TLN2: variants seen among roughly 807,000 people sequenced by gnomAD.
The protein encoded by TLN2 is talin 2.
A neutral mutation model predicts 294.7 loss-of-function variants in TLN2; 118 were observed. The observed-to-expected ratio is 0.40, with a 90% confidence interval of 0.34 to 0.47. The LOEUF (loss-of-function observed/expected upper bound fraction) is 0.47. Ranked by LOEUF, TLN2 falls within the 20% of genes least tolerant of loss-of-function variation. The probability of loss-of-function intolerance (pLI) is 0.84; values close to 1 mark genes in which losing one functional copy is unlikely to be tolerated. For synonymous variants in TLN2, 1,431 were observed against 1,304.5 expected (o/e 1.10, Z -2.09); for missense variants, 3,083 against 3,282.2 (o/e 0.94, Z 1.48).
At chr15:62,690,324 C>T (rs2057738507) in intron 12 of TLN2, 1 of 161,406 alleles carries the variant, frequency 6.2e-6, no homozygotes, top group Non-Finnish European at 1.3e-5. Context: ...CTCTTCACCT[C>T]CCAGACGGGG....
At chr15:62,523,061 G>C (rs1051961045) in intron 1 of TLN2, among the ~76,000 whole-genome samples, 2 of 151,788 alleles carry the variant, frequency 1.3e-5, no homozygotes, top group Admixed American at 1.3e-4. Context: ...GTCCTCAAAG[G>C]TTATCTATAG....
intron 49 of TLN2, 73 bp from the exon 50 acceptor site, chr15:62,800,580 T>A: frequency 6.2e-7 from 1 of 1,609,892 alleles, no homozygotes; most frequent in Non-Finnish European, 8.5e-7. Flanking sequence ...TAGCATGCGA[T>A]CCAGAAGTAA....
intron 50 of TLN2, among the ~76,000 whole-genome samples, chr15:62,801,002 A>T (rs778667994): frequency 6.6e-5 from 10 of 152,176 alleles, no homozygotes; most frequent in East Asian, 1.9e-4. Context: ...ATCACTTAGG[A>T]CTATTCAGGT....
chr15:62,510,595 G>C (rs1478929559), intron 1 of TLN2, among the ~76,000 whole-genome samples: 3 of 152,190 alleles, frequency 2.0e-5, no homozygotes, highest in Non-Finnish European at 4.4e-5. Flanking sequence ...TAATTTGGGA[G>C]CCCCTATGGA....
chr15:62,480,139 G>A (rs924583239), intron 1 of TLN2, among the ~76,000 whole-genome samples: 3 of 152,198 alleles, frequency 2.0e-5, no homozygotes, highest in Admixed American at 6.5e-5. Flanking sequence ...GAGCAGGTGG[G>A]TGGAAGGTGT....
At chr15:62,715,352 G>A (rs1161547569) in intron 22 of TLN2, among the ~76,000 whole-genome samples, 1 of 152,192 alleles carries the variant, frequency 6.6e-6, no homozygotes, top group South Asian at 2.1e-4. Context: ...TTGCCTGAAA[G>A]CGTTCATAGG....
At chr15:62,645,541 A>T (rs2051727031) in intron 3 of TLN2, among the ~76,000 whole-genome samples, 1 of 152,148 alleles carries the variant, frequency 6.6e-6, no homozygotes, top group Admixed American at 6.5e-5. Context: ...CTGTTGAAAA[A>T]CATCTCCTGT....
At position 62,771,142 on chromosome 15, in the gene TLN2, C is replaced by A; in HGVS notation, c.5367+8C>A. On this transcript the variant is annotated splice_region_variant and intron_variant, in intron 42 of 58. Coordinates refer to ENST00000636159, the MANE Select transcript of TLN2 (RefSeq NM_015059.3). Reference sequence around the variant, plus strand: ...GGTGGCGGAAACCCCAAGGTATGGTCCAGGATATCGGGGACTCACTTAGGA... The same window carrying A: ...GGTGGCGGAAACCCCAAGGTATGGTACAGGATATCGGGGACTCACTTAGGA... 6.2e-7 allele frequency: 1 copy of A among 1,601,288 alleles called. No individual in the cohort carries two copies. The highest frequency in any genetic ancestry group is 8.5e-7 in the Non-Finnish European group (1 of 1,171,748).
rs769957237 is a variant in TLN2, at chr15:62,810,018, G to C, written c.6757G>C (p.Glu2253Gln). Residue 2253 changes from glutamate (E) to glutamine (Q), a missense_variant, in exon 52 of 59, where the codon GAG becomes CAG. Glu to Gln is a conservative substitution (Grantham distance 29, BLOSUM62 2). Coordinates refer to ENST00000636159, the MANE Select transcript of TLN2 (RefSeq NM_015059.3). ...CACCCTTGGCTACTTGGACCTCCTG[G>C]AGCACGTCTTGGTGGTAAGAAAGCG... ...ECTLGYLDLL[E>Q]HVLVILQKPT... 15 of 1,613,964 alleles carry C rather than the reference G, an allele frequency of 9.3e-6. No individual in the cohort carries two copies. In the Admixed American group the frequency reaches 2.3e-4, roughly 25 times the overall value.
At chr15:62,705,565 C>A (rs986611706) in intron 19 of TLN2, among the ~76,000 whole-genome samples, 3 of 152,172 alleles carry the variant, frequency 2.0e-5, no homozygotes, top group African/African-American at 7.2e-5. Flanking sequence ...TCCTTTAGAA[C>A]AATCATGATT....
intron 1 of TLN2, among the ~76,000 whole-genome samples, chr15:62,560,920 G>A (rs2042907011): frequency 6.6e-6 from 1 of 152,396 alleles, no homozygotes; most frequent in African/African-American, 2.4e-5. Context: ...TGCAGACACA[G>A]CCTAAAGAGT....
Position 62,776,839 on chromosome 15 carries a change from C to G in TLN2, c.5443C>G (p.Leu1815Val), listed in dbSNP as rs958986014. The G allele has an allele frequency of 6.2e-7, 1 of 1,601,598 alleles. No individual in the cohort carries two copies. Among genetic ancestry groups the G allele is most frequent in the Non-Finnish European group, 8.5e-7 (1 of 1,173,754 alleles). ...AGCCGTGGATGACATCATGGTGACG[C>G]TGAACGAAGCTGCCAGTGAAGTGGG... ...KEAVDDIMVT[L>V]NEAASEVGLV... Residue 1815 changes from leucine to valine, a missense_variant, in exon 43 of 59, where the codon CTG becomes GTG. Coordinates refer to ENST00000636159, the MANE Select transcript of TLN2 (RefSeq NM_015059.3).
Position 62,836,031 on chromosome 15 carries a change from G to A in TLN2, c.7332G>A (p.Lys2444=). The A allele has an allele frequency of 4.3e-6, 7 of 1,612,612 alleles. No homozygotes were observed. The highest frequency in any genetic ancestry group is 5.9e-6 in the Non-Finnish European group (7 of 1,179,354). Residue 2444 remains lysine (K), a synonymous_variant, in exon 57 of 59, where the codon AAG becomes AAA. Coordinates refer to ENST00000636159, the MANE Select transcript of TLN2 (RefSeq NM_015059.3). ...CGGCTCAGCTGCTGGTGGCCTGCAA[G>A]GTGAAGGCCGACCAGGATTCAGAGG... ...ASTAQLLVAC[K]VKADQDSEAM...
At chr15:62,688,087 C>CAG (rs1170253424) in intron 12 of TLN2, among the ~76,000 whole-genome samples, 37 of 152,086 alleles carry the variant, frequency 2.4e-4, no homozygotes, top group Non-Finnish European at 3.8e-4. Context: ...TGTTTTACAT[C>CAG]TTGTAATACT....
intron 12 of TLN2, 76 bp from the exon 13 acceptor site, chr15:62,692,764 T>C: frequency 8.9e-7 from 1 of 1,123,820 alleles, no homozygotes; most frequent in Non-Finnish European, 1.3e-6. Context: ...CATATTGTTC[T>C]AGAGCTGGAC....
intron 1 of TLN2, among the ~76,000 whole-genome samples, chr15:62,451,802 T>G (rs2036168943): frequency 6.6e-6 from 1 of 152,190 alleles, no homozygotes; most frequent in Non-Finnish European, 1.5e-5. Context: ...CTTTCTGCCT[T>G]TGACTCTGTT....
rs901660458 is a variant in TLN2 at position 62,456,505 on chromosome 15, G to A, written c.-238+65820G>A. 3.3e-5 allele frequency among the ~76,000 whole-genome samples: 5 copies of A among 152,178 alleles called. No homozygotes were observed. The South Asian group carries it at 1.0e-3, about 32-fold the overall frequency. ...ATTTGACACCTCTGTCACATAGCCA[G>A]TGCCTGAAAACCCTGAAATGATTCT... On this transcript the variant is annotated intron_variant, in intron 1 of 58. Transcript: ENST00000636159.
chr15:62,801,087 CTG>C (rs1251028291), intron 50 of TLN2, among the ~76,000 whole-genome samples: 1 of 152,226 alleles, frequency 6.6e-6, no homozygotes, highest in African/African-American at 2.4e-5. Context: ...GTCAGTATGA[CTG>C]TGCTTACCTG....
intron 1 of TLN2, among the ~76,000 whole-genome samples, chr15:62,393,455 G>T (rs1310043917): frequency 6.6e-6 from 1 of 152,144 alleles, no homozygotes; most frequent in Admixed American, 6.6e-5. Flanking sequence ...TTTAGGAAGA[G>T]GTGAGTATGT....
Sources: allele counts gnomAD v4.1 joint callset (sites outside exome capture counted in the v4.1 genomes callset), GRCh38; gene constraint gnomAD v4.1.1; transcripts MANE v1.5; gene names NCBI Gene and HGNC (gene_info 2026-07-23, HGNC 2026-07-21).